OXR1: variants seen among roughly 807,000 people sequenced by gnomAD.
OXR1 encodes oxidation resistance 1, also known as oxidation resistance protein 1.
Under a neutral mutation model 104.6 loss-of-function variants are expected in OXR1, and 41 were observed. That is an observed-to-expected ratio of 0.39 (90% CI 0.31 to 0.51). The LOEUF is 0.51. OXR1 is among the 20% of genes least tolerant of loss of function. OXR1 has a pLI of 0.77. For missense variants in OXR1, 955 were observed against 1,031.9 expected (o/e 0.93, Z 1.02); for synonymous variants, 348 against 348.4 (o/e 1.00, Z 0.01).
chr8:106,363,402 T>A (rs976441216), intron 2 of OXR1, among the ~76,000 whole-genome samples: 1 of 152,218 alleles, frequency 6.6e-6, no homozygotes, highest in African/African-American at 2.4e-5. Context: ...ATACACCTCT[T>A]GCATTTATTC....
At chr8:106,437,578 G>A (rs1374165609) in intron 2 of OXR1, among the ~76,000 whole-genome samples, 2 of 152,114 alleles carry the variant, frequency 1.3e-5, no homozygotes, top group Admixed American at 1.3e-4. Context: ...AAGAAATCAT[G>A]TAAACAATGG....
intron 16 of OXR1, among the ~76,000 whole-genome samples, chr8:106,746,801 T>C (rs1256990812): frequency 6.6e-6 from 1 of 151,924 alleles, no homozygotes; most frequent in Non-Finnish European, 1.5e-5. Context: ...TTGGGGGGGG[T>C]ATCATTCAGC....
At chr8:106,316,404 G>A (rs1333292059) in intron 1 of OXR1, among the ~76,000 whole-genome samples, 1 of 152,162 alleles carries the variant, frequency 6.6e-6, no homozygotes. Context: ...AATCTACACT[G>A]AGGACAGGCA....
intron 3 of OXR1, among the ~76,000 whole-genome samples, chr8:106,519,698 T>G (rs1258670933): frequency 6.6e-6 from 1 of 152,180 alleles, no homozygotes; most frequent in East Asian, 1.9e-4. Context: ...TTGGAAAAAT[T>G]GAATGACATC....
At chr8:106,616,526 A>T (rs1821254501) in intron 3 of OXR1, among the ~76,000 whole-genome samples, 1 of 152,022 alleles carries the variant, frequency 6.6e-6, no homozygotes, top group Non-Finnish European at 1.5e-5. Context: ...GACATCATGA[A>T]TTTTCATTTG....
chr8:106,405,141 CATATATATATATAT>C (rs143485889), intron 2 of OXR1, among the ~76,000 whole-genome samples: 155 of 79,806 alleles, frequency 1.9e-3, no homozygotes, highest in East Asian at 4.4e-3. Context: ...TCAGAAACCA[CATATATATATATAT>C]ATATATATAT....
At chr8:106,484,579 A>G (rs1401726192) in intron 2 of OXR1, among the ~76,000 whole-genome samples, 1 of 152,088 alleles carries the variant, frequency 6.6e-6, no homozygotes, top group Non-Finnish European at 1.5e-5. Flanking sequence ...GCTTCATATC[A>G]TATGTCATCA....
At chr8:106,395,362 C>T (rs1017660876) in intron 2 of OXR1, among the ~76,000 whole-genome samples, 2 of 152,094 alleles carry the variant, frequency 1.3e-5, no homozygotes, top group African/African-American at 2.4e-5. Context: ...TTTAGTTGGA[C>T]TTACAGTTCC....
At chr8:106,700,360 A>C (rs1227528047) in intron 7 of OXR1, among the ~76,000 whole-genome samples, 5 of 152,186 alleles carry the variant, frequency 3.3e-5, no homozygotes, top group African/African-American at 7.2e-5. Flanking sequence ...CATGAATTTT[A>C]TGTTGAAGAA....
intron 1 of OXR1, among the ~76,000 whole-genome samples, chr8:106,322,015 G>GA (rs1206278525): frequency 1.3e-4 from 20 of 152,076 alleles, no homozygotes; most frequent in African/African-American, 4.8e-4. Flanking sequence ...TGATGCAGAG[G>GA]AAAAAACTAA....
chr8:106,657,906 G>C (rs145249187), intron 3 of OXR1: 121 of 1,246,580 alleles, frequency 9.7e-5, no homozygotes, highest in Middle Eastern at 2.1e-4. Context: ...CTGATGGGCC[G>C]GTGGGCGCGC....
chr8:106,740,261 C>T, intron 13 of OXR1, 82 bp from the exon 14 acceptor site: 4 of 971,748 alleles, frequency 4.1e-6, no homozygotes, highest in Non-Finnish European at 6.2e-6. Flanking sequence ...TATATAGGCA[C>T]CATTACATTC....
In OXR1 at chr8:106,487,466, A is replaced by G. The variant is rs147772419; in HGVS notation, c.24-31477A>G. On this transcript the variant is annotated intron_variant, in intron 2 of 16. Coordinates refer to ENST00000517566, the MANE Select transcript of OXR1 (RefSeq NM_001198533.2). ...ACTTTAAATTTTAGGGTACATGTGC[A>G]CATTGTGCAGGTTAGTTACATATGT... 2.6e-3 allele frequency among the ~76,000 whole-genome samples: 395 copies of G among 150,998 alleles called. 2 individuals carry two copies. Among genetic ancestry groups the G allele is most frequent in the African/African-American group, 8.4e-3 (345 of 41,010 alleles).
chr8:106,502,960 G>A (rs1811908449), intron 2 of OXR1, among the ~76,000 whole-genome samples: 2 of 152,120 alleles, frequency 1.3e-5, no homozygotes, highest in South Asian at 4.2e-4. Context: ...TGAAATTGGG[G>A]AAGGATTACC....
chr8:106,591,469 A>C (rs1819090288), intron 3 of OXR1, among the ~76,000 whole-genome samples: 1 of 151,796 alleles, frequency 6.6e-6, no homozygotes, highest in African/African-American at 2.4e-5. Flanking sequence ...ACTAAGTAGG[A>C]GGTAGGAAAC....
intron 1 of OXR1, among the ~76,000 whole-genome samples, chr8:106,282,671 G>A (rs931907495): frequency 5.9e-5 from 9 of 152,170 alleles, no homozygotes; most frequent in African/African-American, 2.2e-4. Flanking sequence ...TTAAGTGGAA[G>A]TGAATAATCA....
chr8:106,464,649 ACT>A (rs909232064), intron 2 of OXR1, among the ~76,000 whole-genome samples: 47 of 151,986 alleles, frequency 3.1e-4, no homozygotes, highest in Admixed American at 2.0e-3. Context: ...AGTGAGACAG[ACT>A]CTTGGCAGTC....
At chr8:106,707,512 T>G (rs1378303016) in intron 9 of OXR1, 3 of 392,312 alleles carry the variant, frequency 7.6e-6, no homozygotes, top group Non-Finnish European at 8.9e-6. Flanking sequence ...AATGTCTTTT[T>G]TCATATATAA....
At chr8:106,505,611 T>C (rs1046130021) in intron 2 of OXR1, among the ~76,000 whole-genome samples, 2 of 152,074 alleles carry the variant, frequency 1.3e-5, no homozygotes, top group Non-Finnish European at 2.9e-5. Flanking sequence ...CTACTTAAAA[T>C]TGTAGGGATG....
Sources: gnomAD v4.1 joint callset for allele counts (sites outside exome capture counted in the v4.1 genomes callset) on GRCh38, gnomAD v4.1.1 for gene constraint, MANE v1.5 for transcripts, NCBI Gene and HGNC (gene_info 2026-07-23, HGNC 2026-07-21) for gene names.